The following RNF138 variants were observed in gnomAD, a reference collection of about 807,000 sequenced individuals.
RNF138 encodes ring finger protein 138, also known as E3 ubiquitin-protein ligase RNF138.
In RNF138, 12 loss-of-function variants were observed where a neutral mutation model predicts 31.0. The observed-to-expected ratio is 0.39, with a 90% CI of 0.25 to 0.63. RNF138 has a LOEUF of 0.63. Ranked by LOEUF, RNF138 falls within the 20% of genes least tolerant of loss-of-function variation. The probability of loss-of-function intolerance (pLI) is 0.52; values close to 1 mark genes in which losing one functional copy is unlikely to be tolerated. For synonymous variants in RNF138, 105 were observed against 99.5 expected (o/e 1.06, Z -0.33); for missense variants, 192 against 300.1 (o/e 0.64, Z 2.66).
intron 4 of RNF138, among the ~76,000 whole-genome samples, chr18:32,119,781 TTA>T (rs1302363060): frequency 3.9e-5 from 6 of 152,218 alleles, no homozygotes; most frequent in African/African-American, 1.4e-4. Context: ...AGTAAATGTT[TTA>T]TATCTTTTTC....
chr18:32,118,447 T>C (rs772146232), intron 4 of RNF138, among the ~76,000 whole-genome samples: 4 of 151,466 alleles, frequency 2.6e-5, no homozygotes, highest in Non-Finnish European at 4.4e-5. Context: ...GGCAGGAGAA[T>C]TTCTTGAACC....
chr18:32,124,652 A>G, intron 5 of RNF138, 82 bp from the exon 6 acceptor site: 3 of 725,540 alleles, frequency 4.1e-6, no homozygotes, highest in South Asian at 1.5e-5. Context: ...TAAAAAATGT[A>G]TAGTGATTCC....
rs114104374 is a variant in RNF138 at position 32,092,713 on chromosome 18, G to A, written c.-64G>A. The stretch of plus-strand genomic sequence containing the variant: ...GGGTTCATGTAGGGAGTCGGGCCCC[G>A]GGCCGCCACCGTCACCTCGGCCGCT... On this transcript the variant is annotated 5_prime_UTR_variant, in exon 2 of 8. Transcript: ENST00000261593. 5 of 1,026,412 alleles carry A rather than the reference G, an allele frequency of 4.9e-6. No homozygotes were observed. Among genetic ancestry groups the A allele is most frequent in the East Asian group, 2.6e-5 (1 of 38,220 alleles). The allele number at this position is 1,026,412 out of a possible 1,614,324, so 63.6% of individuals were successfully genotyped here. A position where few individuals can be genotyped will look rare whatever the true frequency, so the allele number is the denominator to read the frequency against.
At chr18:32,098,589 A>G (rs2039857076) in intron 2 of RNF138, among the ~76,000 whole-genome samples, 2 of 152,102 alleles carry the variant, frequency 1.3e-5, no homozygotes, top group South Asian at 4.1e-4. Context: ...GCAGTGGCTC[A>G]CGCCTGTCAT....
intron 2 of RNF138, among the ~76,000 whole-genome samples, chr18:32,102,853 A>G (rs1447872422): frequency 6.6e-6 from 1 of 150,648 alleles, no homozygotes; most frequent in Non-Finnish European, 1.5e-5. Flanking sequence ...CTGGTCTTGA[A>G]CTCCTGACCT....
chr18:32,120,097 T>C (rs1471298300), intron 4 of RNF138, among the ~76,000 whole-genome samples: 1 of 152,180 alleles, frequency 6.6e-6, no homozygotes, highest in Non-Finnish European at 1.5e-5. Flanking sequence ...TATTCAGTGT[T>C]AAATAGCAGG....
intron 1 of RNF138, 43 bp from the exon 2 acceptor site, chr18:32,092,657 T>G (rs1352249019): frequency 3.2e-5 from 21 of 665,232 alleles, no homozygotes; most frequent in Non-Finnish European, 5.7e-5. Context: ...TGGCGCGCGC[T>G]GTATCCTGAT....
intron 7 of RNF138, among the ~76,000 whole-genome samples, chr18:32,128,479 A>C (rs111326895): frequency 0.081 from 12,285 of 152,262 alleles, 600 homozygotes; most frequent in Non-Finnish European, 0.1. Flanking sequence ...TGGAGGTTGC[A>C]GTGAGCCAAG....
chr18:32,120,261 A>G (rs1485043430), intron 4 of RNF138, among the ~76,000 whole-genome samples: 2 of 152,160 alleles, frequency 1.3e-5, no homozygotes, highest in Non-Finnish European at 2.9e-5. Flanking sequence ...CCCCATTAAT[A>G]GTTTTACTCA....
chr18:32,111,989 CTTGG>C lies in RNF138; in HGVS notation c.276+76_276+79del, dbSNP rs1364718612. The C allele has an allele frequency of 5.2e-6, 6 of 1,163,874 alleles. No homozygotes were observed. In the African/African-American group the frequency reaches 6.6e-5, roughly 13 times the overall value. The allele number at this position is 1,163,874 out of a possible 1,614,324, so 72.1% of individuals were successfully genotyped here. A position where few individuals can be genotyped will look rare whatever the true frequency, so the allele number is the denominator to read the frequency against. On this transcript the variant is annotated intron_variant, in intron 3 of 7. Coordinates refer to ENST00000261593, the MANE Select transcript of RNF138 (RefSeq NM_016271.5). Reference sequence around the variant, plus strand: ...ACTCTGAAATTCTTATTTGAATTTTCTTGGTTGGTGTTTTTTTTTTTTTTGAAAA... The same window carrying C: ...ACTCTGAAATTCTTATTTGAATTTTCTTGGTGTTTTTTTTTTTTTTGAAAA...
intron 2 of RNF138, among the ~76,000 whole-genome samples, chr18:32,095,584 C>T (rs1214326204): frequency 2.6e-5 from 4 of 152,020 alleles, no homozygotes; most frequent in African/African-American, 4.8e-5. Flanking sequence ...TTTTGATTCA[C>T]GAATAGAGAG....
chr18:32,126,665 T>C, intron 6 of RNF138, 28 bp from the exon 7 acceptor site: 1 of 1,262,786 alleles, frequency 7.9e-7, no homozygotes, highest in South Asian at 1.3e-5. Context: ...TTTATTATTT[T>C]TTGTTTAAAA....
chr18:32,100,621 A>G (rs1268300212), intron 2 of RNF138, among the ~76,000 whole-genome samples: 2 of 152,006 alleles, frequency 1.3e-5, no homozygotes, highest in African/African-American at 4.8e-5. Context: ...GATTAAAGGC[A>G]TGCGCCACCA....
At chr18:32,098,412 T>C (rs1174369442) in intron 2 of RNF138, among the ~76,000 whole-genome samples, 5 of 152,194 alleles carry the variant, frequency 3.3e-5, no homozygotes, top group African/African-American at 4.8e-5. Context: ...GCCTCCTGAG[T>C]AGTGGGGACT....
intron 2 of RNF138, among the ~76,000 whole-genome samples, chr18:32,106,296 C>G (rs1048383917): frequency 6.6e-6 from 1 of 152,074 alleles, no homozygotes; most frequent in Non-Finnish European, 1.5e-5. Flanking sequence ...TGCAGAATGC[C>G]AAGGTTTTCA....
At chr18:32,112,047 A>G in intron 3 of RNF138, 128 bp downstream of exon 3, 1 of 733,802 alleles carries the variant, frequency 1.4e-6, no homozygotes, top group African/African-American at 1.8e-5. Flanking sequence ...TGGGAATTGG[A>G]TAGAAAAGGC....
chr18:32,112,149 C>T (rs1293186406), intron 3 of RNF138, among the ~76,000 whole-genome samples: 1 of 151,824 alleles, frequency 6.6e-6, no homozygotes, highest in Non-Finnish European at 1.5e-5. Context: ...TAATACTTAG[C>T]GTGGCATTTT....
chr18:32,103,949 A>G (rs1001135796), intron 2 of RNF138, among the ~76,000 whole-genome samples: 2 of 151,524 alleles, frequency 1.3e-5, no homozygotes, highest in Non-Finnish European at 2.9e-5. Context: ...TGGGCGACAG[A>G]GCAAGACTCC....
chr18:32,128,086 G>GAAAAT (rs1187122866), intron 7 of RNF138, among the ~76,000 whole-genome samples: 1 of 151,500 alleles, frequency 6.6e-6, no homozygotes, highest in Admixed American at 6.6e-5. Context: ...TCTCAAAAAA[G>GAAAAT]AAAAGTAGGT....
Sources: gnomAD v4.1 joint callset for allele counts (sites outside exome capture counted in the v4.1 genomes callset) on GRCh38, gnomAD v4.1.1 for gene constraint, MANE v1.5 for transcripts, NCBI Gene and HGNC (gene_info 2026-07-23, HGNC 2026-07-21) for gene names.